PTPRD: variants seen among roughly 807,000 people sequenced by gnomAD.
The protein encoded by PTPRD is receptor-type tyrosine-protein phosphatase delta.
Under a neutral mutation model 214.5 loss-of-function variants are expected in PTPRD, and 34 were observed. The observed-to-expected ratio is 0.16, with a 90% CI of 0.12 to 0.21. The LOEUF (loss-of-function observed/expected upper bound fraction) is 0.21. PTPRD is among the 10% of genes least tolerant of loss of function. The pLI, the probability that PTPRD is intolerant of heterozygous loss-of-function variation, is 1.00. For synonymous variants in PTPRD, 1,128 were observed against 845.7 expected (o/e 1.33, Z -5.79); for missense variants, 2,545 against 2,398.7 (o/e 1.06, Z -1.27).
intron 9 of PTPRD, among the ~76,000 whole-genome samples, chr9:9,377,871 G>A (rs181463110): frequency 7.0e-6 from 1 of 142,676 alleles, no homozygotes; most frequent in Admixed American, 7.1e-5. Flanking sequence ...CAAGAAGAAA[G>A]CACCTCTTCT....
intron 3 of PTPRD, among the ~76,000 whole-genome samples, chr9:10,327,365 A>C (rs2096663294): frequency 6.6e-6 from 1 of 151,652 alleles, no homozygotes; most frequent in African/African-American, 2.4e-5. Flanking sequence ...GGCTAACATA[A>C]GTATTTGAGA....
chr9:10,461,022 A>G (rs904968682), intron 2 of PTPRD, among the ~76,000 whole-genome samples: 2 of 152,174 alleles, frequency 1.3e-5, no homozygotes, highest in Admixed American at 6.5e-5. Context: ...CAAGATTTAC[A>G]CATAATTCAT....
At chr9:8,350,160 T>C (rs965111473) in intron 39 of PTPRD, among the ~76,000 whole-genome samples, 3 of 152,122 alleles carry the variant, frequency 2.0e-5, no homozygotes, top group Non-Finnish European at 2.9e-5. Context: ...AGTAGTAATG[T>C]GCAAAAAGAA....
intron 26 of PTPRD, among the ~76,000 whole-genome samples, chr9:8,496,359 G>T (rs998579066): frequency 6.6e-6 from 1 of 152,076 alleles, no homozygotes; most frequent in African/African-American, 2.4e-5. Flanking sequence ...ATTTACTAAT[G>T]CATGGTCCAC....
At chr9:8,980,411 G>A (rs533938660) in intron 11 of PTPRD, among the ~76,000 whole-genome samples, 94 of 152,100 alleles carry the variant, frequency 6.2e-4, no homozygotes, top group African/African-American at 2.0e-3. Flanking sequence ...CAGAAACTAC[G>A]TAAGATGATA....
intron 11 of PTPRD, among the ~76,000 whole-genome samples, chr9:8,833,698 CTCTATA>C (rs1315447470): frequency 8.7e-6 from 1 of 115,498 alleles, no homozygotes; most frequent in African/African-American, 3.4e-5. Flanking sequence ...CTCTCTCTCT[CTCTATA>C]TATATATATA....
At chr9:8,668,972 C>T (rs2097222267) in intron 12 of PTPRD, among the ~76,000 whole-genome samples, 1 of 152,104 alleles carries the variant, frequency 6.6e-6, no homozygotes, top group East Asian at 1.9e-4. Flanking sequence ...CCACCCCTTC[C>T]CCAGCTGTCA....
At chr9:8,853,182 G>C (rs770651489) in intron 11 of PTPRD, among the ~76,000 whole-genome samples, 7 of 152,138 alleles carry the variant, frequency 4.6e-5, no homozygotes, top group Admixed American at 3.9e-4. Flanking sequence ...TAATTCTCCA[G>C]TCTAGCACCA....
At chr9:9,603,586 C>T (rs1481697897) in intron 7 of PTPRD, among the ~76,000 whole-genome samples, 1 of 151,776 alleles carries the variant, frequency 6.6e-6, no homozygotes, top group Non-Finnish European at 1.5e-5. Flanking sequence ...TCAGCAGTGA[C>T]ATTAAAGTCT....
At chr9:8,916,901 C>T (rs958659898) in intron 11 of PTPRD, among the ~76,000 whole-genome samples, 15 of 152,106 alleles carry the variant, frequency 9.9e-5, no homozygotes, top group Non-Finnish European at 1.6e-4. Flanking sequence ...CTCATAAAAC[C>T]TCCTGTGGTA....
At chr9:8,937,455 A>G (rs2099005318) in intron 11 of PTPRD, among the ~76,000 whole-genome samples, 1 of 152,210 alleles carries the variant, frequency 6.6e-6, no homozygotes, top group Non-Finnish European at 1.5e-5. Context: ...GTTCACCCAG[A>G]AAGAAAACAC....
At chr9:9,826,576 G>C (rs1235973667) in intron 5 of PTPRD, among the ~76,000 whole-genome samples, 2 of 151,912 alleles carry the variant, frequency 1.3e-5, no homozygotes, top group East Asian at 1.9e-4. Flanking sequence ...ATTATAAAAT[G>C]ATGGAAAAGT....
intron 2 of PTPRD, among the ~76,000 whole-genome samples, chr9:10,491,103 C>T (rs2040068627): frequency 1.3e-5 from 2 of 152,112 alleles, no homozygotes; most frequent in Admixed American, 1.3e-4. Flanking sequence ...CAGTTATATA[C>T]CTGGCCGCTA....
chr9:8,993,709 A>ATTGT (rs1490473111), intron 11 of PTPRD, among the ~76,000 whole-genome samples: 1 of 152,114 alleles, frequency 6.6e-6, no homozygotes, highest in Admixed American at 6.6e-5. Context: ...TACTAATTCT[A>ATTGT]TTGCTTTGCT....
At chr9:9,450,651 T>A (rs1372500285) in intron 8 of PTPRD, among the ~76,000 whole-genome samples, 1 of 151,864 alleles carries the variant, frequency 6.6e-6, no homozygotes, top group Non-Finnish European at 1.5e-5. Flanking sequence ...ATTTACATAA[T>A]GAAAATGTTT....
chr9:10,111,274 T>C (rs2154233797), intron 3 of PTPRD, among the ~76,000 whole-genome samples: 1 of 135,902 alleles, frequency 7.4e-6, no homozygotes, highest in African/African-American at 2.8e-5. Context: ...AGTCTCGCTC[T>C]GTCGCCCAGG....
At chr9:10,327,918 T>C (rs564357333) in intron 3 of PTPRD, among the ~76,000 whole-genome samples, 3 of 151,866 alleles carry the variant, frequency 2.0e-5, no homozygotes, top group African/African-American at 7.2e-5. Flanking sequence ...ATTTGGGTCC[T>C]TGCAGCTGTA....
chr9:9,279,342 T>TTATATA lies in PTPRD; in HGVS notation c.-202-95985_-202-95980dup, dbSNP rs113014721. On this transcript the variant is annotated intron_variant, in intron 9 of 45. Coordinates refer to ENST00000381196, the MANE Select transcript of PTPRD (RefSeq NM_002839.4). ...TATACAGATATATATATACCTAAATTTATATATATATATATATCTAAATAT... is the reference window on the plus strand; with the variant it reads ...TATACAGATATATATATACCTAAATTTATATATATATATATATATATATCTAAATAT... Among the ~76,000 whole-genome samples the TTATATA allele has an allele frequency of 4.9e-3, 710 of 145,148 alleles. 6 individuals carry two copies. The highest frequency in any genetic ancestry group is 0.017 in the African/African-American group (667 of 40,132).
chr9:9,402,144 T>A (rs141946876), intron 8 of PTPRD, among the ~76,000 whole-genome samples: 375 of 152,182 alleles, frequency 2.5e-3, no homozygotes, highest in African/African-American at 8.7e-3. Flanking sequence ...ACGATCTTAA[T>A]GCAAAACATA....
Sources: gnomAD v4.1 joint callset for allele counts (sites outside exome capture counted in the v4.1 genomes callset) on GRCh38, gnomAD v4.1.1 for gene constraint, MANE v1.5 for transcripts, NCBI Gene and HGNC (gene_info 2026-07-23, HGNC 2026-07-21) for gene names.